Variants in HSPA14 observed in about 807,000 individuals in gnomAD.
The protein encoded by HSPA14 is heat shock 70 kDa protein 14.
Under a neutral mutation model 65.5 loss-of-function variants are expected in HSPA14, and 37 were observed. The ratio of observed to expected loss-of-function variants is 0.56; its 90% CI spans 0.43 to 0.74. HSPA14 has a LOEUF of 0.74. HSPA14 is among the 30% of genes least tolerant of loss of function. The pLI is 0.00. For missense variants in HSPA14, 564 were observed against 607.6 expected (o/e 0.93, Z 0.75); for synonymous variants, 203 against 214.2 (o/e 0.95, Z 0.46).
intron 8 of HSPA14, among the ~76,000 whole-genome samples, chr10:14,853,090 A>G (rs1834120823): frequency 6.6e-6 from 1 of 152,200 alleles, no homozygotes; most frequent in Admixed American, 6.5e-5. Context: ...GCTCTAAAAA[A>G]AAAAAAAAGT....
chr10:14,844,161 G>A, intron 3 of HSPA14: 7 of 1,286,108 alleles, frequency 5.4e-6, no homozygotes, highest in Non-Finnish European at 6.9e-6. Flanking sequence ...TGTCACAGAT[G>A]TGAAGCAGTT....
intron 10 of HSPA14, among the ~76,000 whole-genome samples, chr10:14,857,128 A>G (rs762024539): frequency 3.9e-5 from 6 of 152,174 alleles, no homozygotes; most frequent in Admixed American, 1.3e-4. Context: ...ACATAATTTG[A>G]AATAGATTGC....
In HSPA14 at chr10:14,855,959, T is replaced by C; in HGVS notation, c.993+16T>C. Reference sequence around the variant, plus strand: ...TATCAACAAGGTAATGCTTTTACATTTTTCTTAACTATTTTAGGTGTAGTT... The same window carrying C: ...TATCAACAAGGTAATGCTTTTACATCTTTCTTAACTATTTTAGGTGTAGTT... On this transcript the variant is annotated intron_variant, in intron 10 of 13. Transcript: ENST00000378372. The C allele has an allele frequency of 7.3e-7, 1 of 1,378,940 alleles. No individual in the cohort carries two copies. Among genetic ancestry groups the C allele is most frequent in the Non-Finnish European group, 1.0e-6 (1 of 967,734 alleles). 85.4% of individuals were successfully genotyped at this position (1,378,940 alleles called of 1,614,324 possible).
chr10:14,844,817 A>G (rs1433339143), intron 3 of HSPA14: 4 of 985,314 alleles, frequency 4.1e-6, no homozygotes, highest in Non-Finnish European at 4.8e-6. Context: ...AACATTGTGG[A>G]AACAATTCAG....
chr10:14,853,186 TA>T (rs1479348397), intron 8 of HSPA14, among the ~76,000 whole-genome samples: 1 of 152,200 alleles, frequency 6.6e-6, no homozygotes, highest in Non-Finnish European at 1.5e-5. Flanking sequence ...ACTTGTTTGA[TA>T]AAGACCTATA....
intron 10 of HSPA14, among the ~76,000 whole-genome samples, chr10:14,865,090 T>A (rs1162540421): frequency 6.6e-6 from 1 of 152,262 alleles, no homozygotes; most frequent in African/African-American, 2.4e-5. Flanking sequence ...GAGCATTTTT[T>A]CATGTGTCTT....
At chr10:14,849,835 C>T (rs1195525583) in intron 6 of HSPA14, 24 bp downstream of exon 6, 1 of 1,423,124 alleles carries the variant, frequency 7.0e-7, no homozygotes, top group African/African-American at 1.4e-5. Context: ...GTTTATCTTA[C>T]TGGCTTAATT....
At position 14,842,548 on chromosome 10, in the gene HSPA14, A is replaced by G; in HGVS notation, c.221+2391A>G. On this transcript the variant is annotated intron_variant, in intron 3 of 13. Transcript: ENST00000378372. The surrounding 1 kb of genome is among the most constrained non-coding windows in gnomAD (Gnocchi z 5.2). ...ATGCCACAAGTATGGGTGAGCCACC[A>G]CACTGTCCATTTTATGATACGTTGG... The G allele has an allele frequency of 2.0e-6, 3 of 1,536,160 alleles. No individual in the cohort carries two copies. The highest frequency in any genetic ancestry group is 2.6e-6 in the Non-Finnish European group (3 of 1,146,922).
intron 3 of HSPA14, among the ~76,000 whole-genome samples, chr10:14,840,433 ATTT>A (rs1394622451): frequency 6.6e-6 from 1 of 152,028 alleles, no homozygotes; most frequent in African/African-American, 2.4e-5. Flanking sequence ...ACATTTTTAG[ATTT>A]TTTTTAACTG....
At chr10:14,869,619 A>G (rs1832837504) in intron 12 of HSPA14, among the ~76,000 whole-genome samples, 1 of 152,166 alleles carries the variant, frequency 6.6e-6, no homozygotes, top group South Asian at 2.1e-4. Context: ...TAATTCCAAC[A>G]AAAGAGTAAT....
At chr10:14,855,964 T>G in intron 10 of HSPA14, 21 bp downstream of exon 10, 1 of 1,346,156 alleles carries the variant, frequency 7.4e-7, no homozygotes, top group Non-Finnish European at 1.1e-6. Context: ...TACATTTTTC[T>G]TAACTATTTT....
intron 3 of HSPA14, chr10:14,846,209 GAT>G (rs1363500709): frequency 2.5e-5 from 25 of 985,216 alleles, no homozygotes; most frequent in African/African-American, 5.2e-5. Flanking sequence ...TATATGGAAA[GAT>G]ATGTGTCAAT....
At chr10:14,868,494 G>T (rs1182755500) in intron 12 of HSPA14, among the ~76,000 whole-genome samples, 3 of 150,746 alleles carry the variant, frequency 2.0e-5, no homozygotes, top group African/African-American at 7.4e-5. Context: ...GAGAAATGCA[G>T]TTGCATTCAC....
chr10:14,858,524 A>C (rs983151296), intron 10 of HSPA14, among the ~76,000 whole-genome samples: 3 of 152,208 alleles, frequency 2.0e-5, no homozygotes, highest in Admixed American at 1.3e-4. Context: ...AGGTGGCTGC[A>C]GGTCCACTGC....
intron 11 of HSPA14, among the ~76,000 whole-genome samples, 155 bp from the exon 12 acceptor site, chr10:14,867,581 A>C (rs1301914006): frequency 5.9e-5 from 9 of 152,224 alleles, no homozygotes; most frequent in Admixed American, 5.9e-4. Context: ...ATATATTTTT[A>C]AAGTGAAGTA....
At chr10:14,840,727 C>T (rs1246981279) in intron 3 of HSPA14, among the ~76,000 whole-genome samples, 2 of 152,206 alleles carry the variant, frequency 1.3e-5, no homozygotes, top group Non-Finnish European at 2.9e-5. Flanking sequence ...ACTTCTGTCT[C>T]CTCAAATTAT....
chr10:14,863,794 C>T (rs1832777724), intron 10 of HSPA14, among the ~76,000 whole-genome samples: 1 of 152,112 alleles, frequency 6.6e-6, no homozygotes, highest in African/African-American at 2.4e-5. Context: ...GACTCAGGTG[C>T]TTGAACTCAC....
chr10:14,842,902 T>C lies in HSPA14; in HGVS notation c.221+2745T>C, dbSNP rs1356837679. On this transcript the variant is annotated intron_variant, in intron 3 of 13. Transcript: ENST00000378372. This position sits in a 1 kb window ranked among gnomAD's most constrained non-coding sequence, Gnocchi z 5.2. ...CCCAGAGTCTTGTGGCTCTAAACAT[T>C]TAGCTGTGTCTGTTTGGATAGTGTC... 8.2e-7 allele frequency: 1 copy of C among 1,224,770 alleles called. No individual in the cohort carries two copies. The highest frequency in any genetic ancestry group is 1.1e-6 in the Non-Finnish European group (1 of 893,640). 75.9% of individuals were successfully genotyped at this position (1,224,770 alleles called of 1,614,324 possible).
intron 10 of HSPA14, among the ~76,000 whole-genome samples, chr10:14,862,348 A>G (rs1008781622): frequency 1.4e-5 from 2 of 146,838 alleles, no homozygotes; most frequent in African/African-American, 5.0e-5. Flanking sequence ...AGATTTTATC[A>G]TATTGAGAAA....
Sources: allele counts gnomAD v4.1 joint callset (sites outside exome capture counted in the v4.1 genomes callset), GRCh38; gene constraint gnomAD v4.1.1; non-coding constraint Gnocchi (gnomAD v3.1); transcripts MANE v1.5; gene names NCBI Gene and HGNC (gene_info 2026-07-23, HGNC 2026-07-21).